PCDH9: variants seen among roughly 807,000 people sequenced by gnomAD.
The protein encoded by PCDH9 is protocadherin 9.
PCDH9 carries 24 observed loss-of-function variants against 70.6 expected under a neutral mutation model. The ratio of observed to expected loss-of-function variants is 0.34; its 90% confidence interval spans 0.25 to 0.48. PCDH9 has a LOEUF of 0.48. Among genes scored for constraint, PCDH9 ranks in the 20% least tolerant of loss-of-function variants. The probability of loss-of-function intolerance (pLI) is 0.99; values close to 1 mark genes in which losing one functional copy is unlikely to be tolerated. For missense variants in PCDH9, 1,281 were observed against 1,503.6 expected, an observed-to-expected ratio of 0.85 and a Z score of 2.45; for synonymous variants, 562 against 558.5, an observed-to-expected ratio of 1.01 and a Z score of -0.09.
intron 3 of PCDH9, among the ~76,000 whole-genome samples, chr13:66,634,545 T>C (rs758015162): frequency 1.3e-5 from 2 of 152,122 alleles, no homozygotes; most frequent in African/African-American, 2.4e-5. Flanking sequence ...GGCTGTTGAA[T>C]GAGTTCCTGG....
At position 67,228,459 on chromosome 13, in the gene PCDH9, T is replaced by C. The variant is rs1042335502; in HGVS notation, c.-19A>G. ...GGTCCATGATAATGTATTTATTTTC[T>C]TTTCCTGGATTTTAGGGTTTAAAGG... On this transcript the variant is annotated 5_prime_UTR_variant, in exon 2 of 5. Transcript: ENST00000377865. 10 of 1,528,998 alleles carry C rather than the reference T, an allele frequency of 6.5e-6. No homozygotes were observed. The African/African-American group carries it at 1.3e-4, about 19-fold the overall frequency. 94.7% of individuals were successfully genotyped at this position (1,528,998 alleles called of 1,614,324 possible).
chr13:66,366,154 CT>C (rs1347161646), intron 4 of PCDH9, among the ~76,000 whole-genome samples: 2 of 151,938 alleles, frequency 1.3e-5, no homozygotes, highest in East Asian at 1.9e-4. Flanking sequence ...CTTCCTTGGG[CT>C]TTAGATTGAA....
intron 4 of PCDH9, among the ~76,000 whole-genome samples, chr13:66,551,732 G>A (rs1309802971): frequency 6.6e-6 from 1 of 152,064 alleles, no homozygotes; most frequent in Non-Finnish European, 1.5e-5. Context: ...AGCTATCAGT[G>A]TACATTTGTA....
At chr13:66,559,079 G>A (rs1961874953) in intron 4 of PCDH9, among the ~76,000 whole-genome samples, 1 of 152,178 alleles carries the variant, frequency 6.6e-6, no homozygotes, top group Non-Finnish European at 1.5e-5. Context: ...CTCTTGTGCA[G>A]TGACTTACAA....
chr13:66,410,206 A>C (rs1025621334), intron 4 of PCDH9, among the ~76,000 whole-genome samples: 3 of 151,980 alleles, frequency 2.0e-5, no homozygotes, highest in African/African-American at 4.8e-5. Context: ...TTTTTTTAAA[A>C]AAAAAAAAGC....
chr13:66,315,564 C>A (rs1955636263), intron 4 of PCDH9, among the ~76,000 whole-genome samples: 1 of 152,160 alleles, frequency 6.6e-6, no homozygotes, highest in Non-Finnish European at 1.5e-5. Context: ...TCACTGCAAG[C>A]TCTGTTCCCC....
intron 4 of PCDH9, among the ~76,000 whole-genome samples, chr13:66,502,043 A>G (rs964674644): frequency 6.6e-6 from 1 of 152,076 alleles, no homozygotes; most frequent in Non-Finnish European, 1.5e-5. Flanking sequence ...CATTTTTGCA[A>G]TTTTGCCAAT....
At chr13:66,647,849 T>A (rs34265599) in intron 3 of PCDH9, among the ~76,000 whole-genome samples, 14,473 of 151,848 alleles carry the variant, frequency 0.095, 738 homozygotes, top group East Asian at 0.12. Flanking sequence ...TGTCTCATAC[T>A]CACGAGCATT....
chr13:67,142,935 G>A (rs1003738576), intron 2 of PCDH9, among the ~76,000 whole-genome samples: 17 of 151,986 alleles, frequency 1.1e-4, no homozygotes, highest in Admixed American at 4.6e-4. Context: ...CTTGAACCCC[G>A]GAGGCGGAGG....
intron 4 of PCDH9, among the ~76,000 whole-genome samples, chr13:66,364,967 T>C (rs1011452439): frequency 6.6e-6 from 1 of 152,178 alleles, no homozygotes; most frequent in Non-Finnish European, 1.5e-5. Context: ...AGCTCTTCCA[T>C]TCCTTAATTT....
chr13:66,574,267 A>G (rs1343669992), intron 4 of PCDH9, among the ~76,000 whole-genome samples: 1 of 152,166 alleles, frequency 6.6e-6, no homozygotes, highest in African/African-American at 2.4e-5. Context: ...CTACATAGCC[A>G]ATTTTCCCAA....
intron 4 of PCDH9, among the ~76,000 whole-genome samples, chr13:66,335,407 A>G (rs996246474): frequency 2.0e-5 from 3 of 152,138 alleles, no homozygotes; most frequent in Admixed American, 6.6e-5. Flanking sequence ...TTAGATAATA[A>G]CAGCAACACT....
chr13:66,492,914 C>G (rs1959055519), intron 4 of PCDH9, among the ~76,000 whole-genome samples: 1 of 152,110 alleles, frequency 6.6e-6, no homozygotes, highest in South Asian at 2.1e-4. Context: ...GAGCTAAGTG[C>G]GATCCTGGGA....
intron 4 of PCDH9, among the ~76,000 whole-genome samples, chr13:66,540,678 G>A (rs370266294): frequency 2.0e-5 from 3 of 152,140 alleles, no homozygotes; most frequent in African/African-American, 2.4e-5. Context: ...CGTAGTGTAC[G>A]CAAGTAACTG....
intron 2 of PCDH9, chr13:67,206,165 T>G (rs1203327330): frequency 6.6e-6 from 1 of 152,208 alleles, no homozygotes; most frequent in African/African-American, 2.4e-5. Context: ...TAAAGTTTTT[T>G]TTTTTGTTTG....
chr13:66,640,422 T>C (rs2077693540), intron 3 of PCDH9, among the ~76,000 whole-genome samples: 1 of 152,122 alleles, frequency 6.6e-6, no homozygotes, highest in African/African-American at 2.4e-5. Context: ...GCCACGTTTT[T>C]AAAGTAAGTT....
intron 3 of PCDH9, among the ~76,000 whole-genome samples, chr13:66,901,711 G>C (rs1382906063): frequency 6.6e-6 from 1 of 151,334 alleles, no homozygotes; most frequent in Non-Finnish European, 1.5e-5. Flanking sequence ...CTGTGCTTCG[G>C]ACCTTATAAA....
intron 3 of PCDH9, among the ~76,000 whole-genome samples, chr13:66,773,646 AAAAT>A (rs2079845366): frequency 6.6e-6 from 1 of 151,510 alleles, no homozygotes; most frequent in Admixed American, 6.6e-5. Flanking sequence ...ATAAATAAAT[AAAAT>A]AAAATAAAAA....
At chr13:67,151,664 A>C (rs1334919999) in intron 2 of PCDH9, among the ~76,000 whole-genome samples, 1 of 152,038 alleles carries the variant, frequency 6.6e-6, no homozygotes, top group East Asian at 1.9e-4. Flanking sequence ...ACAAGCTGGC[A>C]AAGCTTTTGC....
Sources: gnomAD v4.1 joint callset for allele counts (sites outside exome capture counted in the v4.1 genomes callset) on GRCh38, gnomAD v4.1.1 for gene constraint, MANE v1.5 for transcripts, NCBI Gene and HGNC (gene_info 2026-07-23, HGNC 2026-07-21) for gene names.